The following UMODL1 variants were observed in gnomAD, a reference collection of about 807,000 sequenced individuals.
The protein encoded by UMODL1 is uromodulin-like 1.
Under a neutral mutation model 136.3 loss-of-function variants are expected in UMODL1, and 128 were observed. The ratio of observed to expected loss-of-function variants is 0.94; its 90% CI spans 0.81 to 1.09. UMODL1 has a LOEUF of 1.09. Ranked by LOEUF, UMODL1 falls within the 50% of genes least tolerant of loss-of-function variation. UMODL1 has a pLI of 0.00. For synonymous variants in UMODL1, 721 were observed against 720.0 expected, an observed-to-expected ratio of 1.00 and a Z score of -0.02; for missense variants, 1,766 against 1,725.6, an observed-to-expected ratio of 1.02 and a Z score of -0.41.
At chr21:42,135,478 C>A (rs1343797250) in intron 21 of UMODL1, among the ~76,000 whole-genome samples, 2 of 152,296 alleles carry the variant, frequency 1.3e-5, no homozygotes, top group Middle Eastern at 3.4e-3. Flanking sequence ...TGGGTCTTTC[C>A]CAGGGCTGAG....
At position 42,121,363 on chromosome 21, in the gene UMODL1, G is replaced by T. The variant is rs568765444; in HGVS notation, c.2827+139G>T. 19 of 909,780 alleles carry T rather than the reference G, an allele frequency of 2.1e-5. No individual in the cohort carries two copies. The East Asian group carries it at 4.9e-4, about 23-fold the overall frequency. 56.4% of individuals were successfully genotyped at this position (909,780 alleles called of 1,614,324 possible). A position where few individuals can be genotyped will look rare whatever the true frequency, so the allele number is the denominator to read the frequency against. ...GGGAAGTTTCCTGTGTGTGATGTGGGTGCACGTGTGTGTGTGTGTGTGTGA... is the reference window on the plus strand; with the variant it reads ...GGGAAGTTTCCTGTGTGTGATGTGGTTGCACGTGTGTGTGTGTGTGTGTGA... On this transcript the variant is annotated intron_variant, in intron 16 of 22. Transcript: ENST00000408910.
rs777208172 is a variant in UMODL1 at position 42,121,083 on chromosome 21, G to C, written c.2690-4G>C. On this transcript the variant is annotated splice_region_variant and splice_polypyrimidine_tract_variant and intron_variant, in intron 15 of 22. Transcript: ENST00000408910. ...TTCTGTTTTGTCTTCTAAATGTTGT[G>C]CAGATTACGATGAGTGTGAAAGGAA... is the stretch of plus-strand genomic sequence containing the variant. 6.2e-7 allele frequency: 1 copy of C among 1,611,666 alleles called. No individual in the cohort carries two copies. Among genetic ancestry groups the C allele is most frequent in the South Asian group, 1.1e-5 (1 of 90,590 alleles).
intron 9 of UMODL1, among the ~76,000 whole-genome samples, chr21:42,109,079 G>C (rs1326778705): frequency 8.4e-6 from 1 of 118,572 alleles, no homozygotes; most frequent in African/African-American, 3.3e-5. Flanking sequence ...ATACTCCGCT[G>C]GACCCCCACC....
At chr21:42,118,926 C>T (rs2066933138) in intron 14 of UMODL1, among the ~76,000 whole-genome samples, 185 bp from the exon 15 acceptor site, 1 of 152,234 alleles carries the variant, frequency 6.6e-6, no homozygotes, top group Admixed American at 6.5e-5. Context: ...CAGACACTCC[C>T]AGGCGTTTGT....
At chr21:42,073,225 C>A (rs1394695709) in intron 1 of UMODL1, among the ~76,000 whole-genome samples, 1 of 152,186 alleles carries the variant, frequency 6.6e-6, no homozygotes, top group Non-Finnish European at 1.5e-5. Flanking sequence ...GTTCTTGGTG[C>A]AGGAAGTCCT....
chr21:42,072,664 A>T (rs1015176740), intron 1 of UMODL1, among the ~76,000 whole-genome samples: 1 of 152,204 alleles, frequency 6.6e-6, no homozygotes, highest in African/African-American at 2.4e-5. Context: ...GCCACAGGAC[A>T]TGGCTGTTAT....
At chr21:42,076,281 A>G (rs1438845623) in intron 2 of UMODL1, 34 bp downstream of exon 2, 3 of 1,608,888 alleles carry the variant, frequency 1.9e-6, no homozygotes, top group South Asian at 2.2e-5. Flanking sequence ...GGGCGGGGCC[A>G]CCCTTGCCGT....
intron 6 of UMODL1, among the ~76,000 whole-genome samples, chr21:42,092,258 G>A (rs2066500577): frequency 6.6e-6 from 1 of 152,190 alleles, no homozygotes; most frequent in Non-Finnish European, 1.5e-5. Context: ...CTGAGGGAAG[G>A]AAAGCCTGAT....
chr21:42,083,951 G>T, intron 2 of UMODL1, 133 bp from the exon 3 acceptor site: 1 of 1,114,992 alleles, frequency 9.0e-7, no homozygotes, highest in Non-Finnish European at 1.3e-6. Context: ...CCCAGGCATG[G>T]GGATGGGCCC....
At chr21:42,081,531 A>G (rs1240666963) in intron 2 of UMODL1, among the ~76,000 whole-genome samples, 2 of 152,238 alleles carry the variant, frequency 1.3e-5, no homozygotes, top group Non-Finnish European at 2.9e-5. Context: ...TCCCGGCAGT[A>G]GCCAGTTAAG....
In UMODL1 at chr21:42,123,251, C is replaced by T. The variant is rs189918372; in HGVS notation, c.3147+101C>T. 2,571 of 1,348,430 alleles carry T rather than the reference C, an allele frequency of 1.9e-3. 10 individuals are homozygous for T. The highest frequency in any genetic ancestry group is 2.3e-3 in the Non-Finnish European group (2,271 of 1,000,992). 83.5% of individuals were successfully genotyped at this position (1,348,430 alleles called of 1,614,324 possible). On this transcript the variant is annotated intron_variant, in intron 17 of 22. Coordinates refer to ENST00000408910, the MANE Select transcript of UMODL1 (RefSeq NM_001004416.3). The surrounding 1 kb of genome is among the most constrained non-coding windows in gnomAD (Gnocchi z 4.4). ...GAGGGCCAGGCAAGACTCTGCACCC[C>T]GAGGGGAACCCAGCAAGGGGGGTTC... is the stretch of plus-strand genomic sequence containing the variant.
rs749763811 is a variant in UMODL1 at position 42,113,728 on chromosome 21, G to T, written c.2260G>T (p.Val754Leu). ...GGTCCTAGAGACCTGGAACACGAGT[G>T]TGACACTGTCGGGGCTGGAGCCTGG... ...AVVLETWNTSVTLSGLEPGVL... is the reference protein window; with the variant it reads ...AVVLETWNTSLTLSGLEPGVL... The change falls in exon 13 of 23, where the codon GTG (valine) becomes TTG (leucine). Residue 754 changes from valine to leucine, a missense_variant. By Grantham distance (32) the Val-to-Leu change is conservative. Coordinates refer to ENST00000408910, the MANE Select transcript of UMODL1 (RefSeq NM_001004416.3). 1.4e-5 allele frequency: 22 copies of T among 1,613,990 alleles called. No homozygotes were observed. The highest frequency in any genetic ancestry group is 1.8e-5 in the Non-Finnish European group (21 of 1,180,040).
intron 6 of UMODL1, among the ~76,000 whole-genome samples, chr21:42,096,125 A>C (rs907106367): frequency 2.6e-5 from 4 of 152,224 alleles, no homozygotes; most frequent in African/African-American, 9.6e-5. Context: ...TTGAGCCATA[A>C]GAAATTGGTG....
At chr21:42,129,309 G>A (rs1320630042) in intron 20 of UMODL1, among the ~76,000 whole-genome samples, 1 of 152,148 alleles carries the variant, frequency 6.6e-6, no homozygotes, top group African/African-American at 2.4e-5. Flanking sequence ...GAGCCAGGCA[G>A]TCTTTTTTGT....
intron 1 of UMODL1, among the ~76,000 whole-genome samples, chr21:42,074,844 C>A (rs1003571742): frequency 7.2e-5 from 11 of 152,120 alleles, no homozygotes; most frequent in Non-Finnish European, 1.3e-4. Flanking sequence ...CCTGCCTCAG[C>A]CTCCTGAGTA....
intron 12 of UMODL1, among the ~76,000 whole-genome samples, chr21:42,111,953 C>T (rs551082234): frequency 6.6e-6 from 1 of 152,282 alleles, no homozygotes; most frequent in Non-Finnish European, 1.5e-5. Flanking sequence ...GGCTCCCTGT[C>T]TGCAGCAGCT....
chr21:42,111,335 CA>C, intron 11 of UMODL1, 170 bp from the exon 12 acceptor site: 1 of 1,606,186 alleles, frequency 6.2e-7, no homozygotes, highest in Non-Finnish European at 8.5e-7. Flanking sequence ...GAGCCCCAGC[CA>C]GGGGAGCCCC....
intron 21 of UMODL1, among the ~76,000 whole-genome samples, chr21:42,132,340 TCATC>T (rs1038889679): frequency 8.6e-5 from 13 of 151,882 alleles, no homozygotes; most frequent in African/African-American, 2.7e-4. Context: ...TATCCATTGT[TCATC>T]CATCCATCCA....
chr21:42,130,245 T>TGTGTGTGCGC (rs377170083), intron 21 of UMODL1, among the ~76,000 whole-genome samples: 36 of 151,970 alleles, frequency 2.4e-4, no homozygotes, highest in Middle Eastern at 6.8e-3. Context: ...TGTGTGTGTG[T>TGTGTGTGCGC]GCGTGCACAC....
Sources: gnomAD v4.1 joint callset for allele counts (sites outside exome capture counted in the v4.1 genomes callset) on GRCh38, gnomAD v4.1.1 for gene constraint, Gnocchi (gnomAD v3.1) non-coding constraint, MANE v1.5 for transcripts, NCBI Gene and HGNC (gene_info 2026-07-23, HGNC 2026-07-21) for gene names.